The following MYLK variants were observed in gnomAD, a reference collection of about 807,000 sequenced individuals.
MYLK encodes the protein myosin light chain kinase.
In MYLK, 106 loss-of-function variants were observed where a neutral mutation model predicts 203.4. That is an observed-to-expected ratio of 0.52 (90% CI 0.45 to 0.61). The LOEUF (loss-of-function observed/expected upper bound fraction) is 0.61, where lower values mean the gene tolerates loss of function less well. MYLK is among the 20% of genes least tolerant of loss of function. MYLK has a pLI of 0.00. For synonymous variants in MYLK, 867 were observed against 959.5 expected (o/e 0.90, Z 1.78); for missense variants, 2,072 against 2,442.3 (o/e 0.85, Z 3.20).
chr3:123,634,264 T>C lies in MYLK; in HGVS notation c.4961+3807A>G, dbSNP rs566496543. On this transcript the variant is annotated intron_variant, in intron 29 of 33. Transcript: ENST00000360304. Reference sequence around the variant, plus strand: ...GCCGGGCTTGGAGAGGGAACAGGGATCCTAGGGCTGGAATCAGAGCGTATT... The same window carrying C: ...GCCGGGCTTGGAGAGGGAACAGGGACCCTAGGGCTGGAATCAGAGCGTATT... Among the ~76,000 whole-genome samples the C allele has an allele frequency of 9.2e-5, 14 of 152,144 alleles. No homozygotes were observed. The East Asian group carries it at 2.7e-3, about 29-fold the overall frequency.
chr3:123,817,605 G>T (rs1434220196), intron 3 of MYLK, among the ~76,000 whole-genome samples: 1 of 152,190 alleles, frequency 6.6e-6, no homozygotes, highest in Middle Eastern at 3.2e-3. Flanking sequence ...AGGAAAGAGT[G>T]AATCACAGAA....
At chr3:123,637,176 A>G (rs765060028) in intron 29 of MYLK, among the ~76,000 whole-genome samples, 2 of 152,200 alleles carry the variant, frequency 1.3e-5, no homozygotes, top group Non-Finnish European at 2.9e-5. Flanking sequence ...CTTTGGGGAC[A>G]CCATCCCATA....
chr3:123,693,018 C>A (rs1450732004), intron 18 of MYLK, among the ~76,000 whole-genome samples, 167 bp from the exon 19 acceptor site: 1 of 152,170 alleles, frequency 6.6e-6, no homozygotes, highest in African/African-American at 2.4e-5. Flanking sequence ...AGGGAACTTT[C>A]TGCTTATAAC....
chr3:123,788,361 TTC>T (rs1052852094), intron 4 of MYLK, among the ~76,000 whole-genome samples: 8 of 151,916 alleles, frequency 5.3e-5, no homozygotes, highest in Admixed American at 3.3e-4. Flanking sequence ...TCTTTCAAAT[TTC>T]TCTTTTTTTT....
chr3:123,634,638 G>A (rs2058569875), intron 29 of MYLK, among the ~76,000 whole-genome samples: 1 of 152,240 alleles, frequency 6.6e-6, no homozygotes, highest in Admixed American at 6.5e-5. Flanking sequence ...AGGAAGCAGA[G>A]CAGCCATTGC....
rs375758782 is a variant in MYLK, at chr3:123,614,292, C to T, written c.5558G>A (p.Arg1853His). 7 of 1,613,944 alleles carry T rather than the reference C, an allele frequency of 4.3e-6. No individual in the cohort carries two copies. Among genetic ancestry groups the T allele is most frequent in the Non-Finnish European group, 5.9e-6 (7 of 1,180,016 alleles). Residue 1853 changes from arginine (R) to histidine (H), a missense_variant, in exon 34 of 34, where the codon CGC (arginine) becomes CAC (histidine). Arg to His is a conservative substitution (Grantham distance 29, BLOSUM62 0). Transcript: ENST00000360304. ...FKDDQSIRESRHFQIDYDEDG... is the reference protein window; with the variant it reads ...FKDDQSIRESHHFQIDYDEDG... Reference sequence around the variant, plus strand: ...CTCATCGTAGTCTATCTGGAAGTGGCGGGACTCCCTGATTGACTGGTCATC... The same window carrying T: ...CTCATCGTAGTCTATCTGGAAGTGGTGGGACTCCCTGATTGACTGGTCATC...
intron 4 of MYLK, among the ~76,000 whole-genome samples, chr3:123,793,459 A>G (rs1362492388): frequency 6.6e-6 from 1 of 152,204 alleles, no homozygotes; most frequent in African/African-American, 2.4e-5. Context: ...AGGATGGTCA[A>G]CTTGCAGCGT....
intron 20 of MYLK, among the ~76,000 whole-genome samples, chr3:123,675,927 C>T (rs1443171585): frequency 6.6e-6 from 1 of 152,238 alleles, no homozygotes; most frequent in Admixed American, 6.5e-5. Context: ...GTCATTTTCC[C>T]AGAATTAACA....
At chr3:123,650,540 A>T (rs1020974714) in intron 24 of MYLK, among the ~76,000 whole-genome samples, 13 of 152,092 alleles carry the variant, frequency 8.5e-5, no homozygotes, top group African/African-American at 2.2e-4. Context: ...TAGTTTTTTT[A>T]AAAAAAGACT....
intron 2 of MYLK, among the ~76,000 whole-genome samples, chr3:123,860,673 A>C (rs1312636021): frequency 2.0e-5 from 3 of 152,208 alleles, no homozygotes; most frequent in Non-Finnish European, 4.4e-5. Context: ...GGATCGTTAA[A>C]GTACTCAGTG....
At chr3:123,636,247 G>A (rs1377199117) in intron 29 of MYLK, among the ~76,000 whole-genome samples, 1 of 152,212 alleles carries the variant, frequency 6.6e-6, no homozygotes, top group East Asian at 1.9e-4. Flanking sequence ...AGACTGGGAC[G>A]ACTGGTCCCC....
At position 123,648,943 on chromosome 3, in the gene MYLK, C is replaced by A. The variant is rs777989273; in HGVS notation, c.4415+28G>T. The A allele has an allele frequency of 1.7e-5, 28 of 1,602,818 alleles. No individual in the cohort carries two copies. Among genetic ancestry groups the A allele is most frequent in the Non-Finnish European group, 2.3e-5 (27 of 1,170,096 alleles). ...ACCCGCACCACCCTCACCCTGGGAGCCCAGAGGCAACTTCCCACTCCACTT... is the reference window on the plus strand; with the variant it reads ...ACCCGCACCACCCTCACCCTGGGAGACCAGAGGCAACTTCCCACTCCACTT... On this transcript the variant is annotated intron_variant, in intron 26 of 33. Coordinates refer to ENST00000360304, the MANE Select transcript of MYLK (RefSeq NM_053025.4). The surrounding 1 kb of genome is among the most constrained non-coding windows in gnomAD (Gnocchi z 4.5).
At chr3:123,831,338 CT>C in intron 3 of MYLK, 2 of 1,279,118 alleles carry the variant, frequency 1.6e-6, no homozygotes, top group Non-Finnish European at 1.0e-6. Context: ...TTCAAGAATT[CT>C]GACCAGCTAA....
chr3:123,727,050 T>A (rs1274586973), intron 11 of MYLK, among the ~76,000 whole-genome samples: 4 of 152,242 alleles, frequency 2.6e-5, no homozygotes, highest in Non-Finnish European at 5.9e-5. Context: ...CTTTTCCAGA[T>A]GTGATTACGA....
intron 2 of MYLK, among the ~76,000 whole-genome samples, chr3:123,867,525 T>A (rs2148703225): frequency 6.7e-6 from 1 of 149,664 alleles, no homozygotes; most frequent in Non-Finnish European, 1.5e-5. Flanking sequence ...AGGGGAGAAG[T>A]CCATGTGAAG....
In MYLK at chr3:123,680,598, A is replaced by G. The variant is rs117498329; in HGVS notation, c.3652+1626T>C. On this transcript the variant is annotated intron_variant, in intron 20 of 33. Transcript: ENST00000360304. ...ATTCTCAGGCTATCTACCTTGGTTA[A>G]GTATCAATGAGAAATTAATTCCAAT... Among the ~76,000 whole-genome samples, 328 of 152,352 alleles carry G rather than the reference A, an allele frequency of 2.2e-3. 12 individuals carry two copies. The East Asian group carries it at 0.059, about 28-fold the overall frequency.
In MYLK at chr3:123,629,686, G is replaced by C; in HGVS notation, c.4962-60C>G. Reference sequence around the variant, plus strand: ...AGGAGAGGGCGCGACGACCAGGTGAGTGGTAACTGAGGTCAAAGGCGAGGG... The same window carrying C: ...AGGAGAGGGCGCGACGACCAGGTGACTGGTAACTGAGGTCAAAGGCGAGGG... On this transcript the variant is annotated intron_variant, in intron 29 of 33. Coordinates refer to ENST00000360304, the MANE Select transcript of MYLK (RefSeq NM_053025.4). The surrounding 1 kb of genome is among the most constrained non-coding windows in gnomAD (Gnocchi z 4.4). 1 of 1,596,840 alleles carries C rather than the reference G, an allele frequency of 6.3e-7. No homozygotes were observed. Among genetic ancestry groups the C allele is most frequent in the Admixed American group, 1.7e-5 (1 of 59,966 alleles).
chr3:123,741,816 T>G (rs1443741642), intron 5 of MYLK, among the ~76,000 whole-genome samples: 1 of 152,238 alleles, frequency 6.6e-6, no homozygotes, highest in Non-Finnish European at 1.5e-5. Flanking sequence ...TGCCATTAAA[T>G]TATGTTTAAG....
At chr3:123,663,989 G>T in intron 23 of MYLK, 116 bp downstream of exon 23, 1 of 1,442,070 alleles carries the variant, frequency 6.9e-7, no homozygotes, top group Non-Finnish European at 9.7e-7. Flanking sequence ...TATAAATCAG[G>T]CACAGGAGTG....
Sources: allele counts gnomAD v4.1 joint callset (sites outside exome capture counted in the v4.1 genomes callset), GRCh38; gene constraint gnomAD v4.1.1; non-coding constraint Gnocchi (gnomAD v3.1); transcripts MANE v1.5; gene names NCBI Gene and HGNC (gene_info 2026-07-23, HGNC 2026-07-21).